The following KDR variants were observed in gnomAD, a reference collection of about 807,000 sequenced individuals.
KDR encodes kinase insert domain receptor.
KDR carries 43 observed loss-of-function variants against 160.9 expected under a neutral mutation model. That is an observed-to-expected ratio of 0.27 (90% CI 0.21 to 0.34). The LOEUF (loss-of-function observed/expected upper bound fraction) is 0.34. Ranked by LOEUF, KDR falls within the 10% of genes least tolerant of loss-of-function variation. KDR has a pLI of 1.00. For missense variants in KDR, 1,469 were observed against 1,666.4 expected (o/e 0.88, Z 2.06); for synonymous variants, 617 against 600.1 (o/e 1.03, Z -0.41).
intron 1 of KDR, 57 bp downstream of exon 1, chr4:55,125,170 G>C: frequency 6.7e-7 from 1 of 1,500,896 alleles, no homozygotes; most frequent in Non-Finnish European, 9.2e-7. Context: ...TGGCTTTCAG[G>C]TCCTCTCCGC....
At chr4:55,121,045 TA>T in intron 2 of KDR, 51 bp downstream of exon 2, 2 of 1,248,228 alleles carry the variant, frequency 1.6e-6, no homozygotes, top group East Asian at 4.6e-5. Flanking sequence ...TTCCACTCAA[TA>T]AACAATCAGT....
intron 18 of KDR, 47 bp downstream of exon 18, chr4:55,097,615 G>C (rs368235717): frequency 7.5e-6 from 9 of 1,200,838 alleles, no homozygotes; most frequent in African/African-American, 1.5e-5. Flanking sequence ...CATATTTAAA[G>C]ACTAGATAAA....
rs2110027955 is a variant in KDR at position 55,110,687 on chromosome 4, T to A, written c.1058A>T (p.Lys353Met). Reference protein sequence around the residue: ...TVGERVRIPAKYLGYPPPEIK... With the variant: ...TVGERVRIPAMYLGYPPPEIK... ...TTCTGGGGGTGGGTAACCAAGGTAC[T>A]TCGCAGGGATTCTGACACGCTCCCC... Residue 353 changes from lysine to methionine, a missense_variant, in exon 8 of 30, where the codon AAG becomes ATG. Around this residue, in one of 7 missense-constraint regions of KDR, gnomAD observed 792 missense variants for 840.9 expected, o/e 0.94. Transcript: ENST00000263923. 6.2e-7 allele frequency: 1 copy of A among 1,613,964 alleles called. No homozygotes were observed. Among genetic ancestry groups the A allele is most frequent in the Non-Finnish European group, 8.5e-7 (1 of 1,179,972 alleles).
intron 7 of KDR, among the ~76,000 whole-genome samples, chr4:55,112,858 G>A (rs1720629537): frequency 6.6e-6 from 1 of 152,070 alleles, no homozygotes; most frequent in African/African-American, 2.4e-5. Context: ...TGCAGAGGAG[G>A]GAAAGTTAGG....
At chr4:55,113,203 T>TG (rs1314713718) in intron 7 of KDR, 101 bp downstream of exon 7, 1 of 1,296,980 alleles carries the variant, frequency 7.7e-7, no homozygotes, top group Non-Finnish European at 1.1e-6. Flanking sequence ...AACTAGAAAC[T>TG]ATCTTCTGAA....
intron 13 of KDR, among the ~76,000 whole-genome samples, chr4:55,104,164 A>G (rs1030193160): frequency 2.6e-5 from 4 of 152,158 alleles, no homozygotes; most frequent in Non-Finnish European, 4.4e-5. Context: ...ATATGCTGCT[A>G]TGCTCTATGA....
At chr4:55,088,467 A>T (rs1213316372) in intron 26 of KDR, among the ~76,000 whole-genome samples, 2 of 152,220 alleles carry the variant, frequency 1.3e-5, no homozygotes, top group Non-Finnish European at 2.9e-5. Context: ...AGAACCTGGG[A>T]TGATACCAAG....
chr4:55,094,987 T>C, intron 20 of KDR, 32 bp from the exon 21 acceptor site: 1 of 1,608,106 alleles, frequency 6.2e-7, no homozygotes, highest in Non-Finnish European at 8.5e-7. Flanking sequence ...AACAAACTCC[T>C]TGAATACAAA....
At chr4:55,082,092 C>A (rs2110005426) in intron 28 of KDR, 51 bp from the exon 29 acceptor site, 1 of 1,230,852 alleles carries the variant, frequency 8.1e-7, no homozygotes, top group Non-Finnish European at 1.2e-6. Flanking sequence ...ATAAAATGAC[C>A]AACTATTTAA....
intron 22 of KDR, 114 bp downstream of exon 22, chr4:55,092,503 T>G: frequency 3.8e-6 from 3 of 784,510 alleles, no homozygotes; most frequent in South Asian, 2.9e-5. Context: ...CTAAAAGACG[T>G]AGAAGTGGTG....
rs2110002972 is a variant in KDR at position 55,079,216 on chromosome 4, G to C, written c.*725C>G. On this transcript the variant is annotated 3_prime_UTR_variant, in exon 30 of 30. Transcript: ENST00000263923. ...TGCATCATTTCCTTCCTGGGGCTTG[G>C]CCAGGAGACACGTAACGGTCTGGAA... The C allele has an allele frequency of 4.3e-6, 1 of 233,450 alleles. No homozygotes were observed. The highest frequency in any genetic ancestry group is 1.8e-4 in the South Asian group (1 of 5,518). 14.5% of individuals were successfully genotyped at this position (233,450 alleles called of 1,614,324 possible).
chr4:55,121,566 G>A (rs1363747538), intron 1 of KDR, among the ~76,000 whole-genome samples: 1 of 152,220 alleles, frequency 6.6e-6, no homozygotes, highest in African/African-American at 2.4e-5. Context: ...AACATAGGAT[G>A]TACACATTTG....
Position 55,082,601 on chromosome 4 carries a change from G to T in KDR, c.3697C>A (p.Pro1233Thr), listed in dbSNP as rs1471556503. The change falls in exon 28 of 30, where the codon CCT becomes ACT. Residue 1233 changes from proline (P) to threonine (T), a missense_variant. Physicochemically the swap from Pro to Thr is conservative, Grantham distance 38 (BLOSUM62 -1). This residue lies in a region of KDR where 229 missense variants were observed against 197.8 expected (regional missense o/e 1.16). Transcript: ENST00000263923. Reference sequence around the variant, plus strand: ...TCTTCAAATGTTTTTACACTCACAGGCCGGCTCTTTCGCTTACTGTTCTGC... The same window carrying T: ...TCTTCAAATGTTTTTACACTCACAGTCCGGCTCTTTCGCTTACTGTTCTGC... The part of the protein sequence containing the change: ...YLQNSKRKSR[P>T]VSVKTFEDIP... 1 of 1,613,876 alleles carries T rather than the reference G, an allele frequency of 6.2e-7. No individual in the cohort carries two copies. The highest frequency in any genetic ancestry group is 1.1e-5 in the South Asian group (1 of 91,068).
chr4:55,116,844 A>G (rs1038462356), intron 3 of KDR, among the ~76,000 whole-genome samples: 1 of 152,234 alleles, frequency 6.6e-6, no homozygotes, highest in East Asian at 1.9e-4. Flanking sequence ...GGTGGCGACC[A>G]GAGGGGACAT....
intron 21 of KDR, among the ~76,000 whole-genome samples, chr4:55,094,340 G>C (rs985694954): frequency 2.6e-5 from 4 of 152,294 alleles, no homozygotes; most frequent in Admixed American, 6.5e-5. Flanking sequence ...AAGCCGCTTG[G>C]GGTAGGGTAG....
Position 55,125,239 on chromosome 4 carries a change from C to T in KDR, c.55G>A (p.Ala19Thr), listed in dbSNP as rs1560526859. The T allele has an allele frequency of 1.2e-6, 2 of 1,612,788 alleles. No individual in the cohort carries two copies. The highest frequency in any genetic ancestry group is 1.7e-6 in the Non-Finnish European group (2 of 1,179,680). ...VALWLCVETR[A>T]ASVGLPSVSL... ...GTGGGCTCCTTACCCACAGAGGCGG[C>T]CCGGGTCTCCACGCAGAGCCACAGG... Residue 19 changes from alanine (A) to threonine (T), a missense_variant, in exon 1 of 30, where the codon GCC becomes ACC. Transcript: ENST00000263923.
rs1721009220 is a variant in KDR, at chr4:55,125,454, C to CA, written c.-162dup. The CA allele has an allele frequency of 9.8e-6, 8 of 816,466 alleles. No homozygotes were observed. The Admixed American group carries it at 1.9e-4, about 19-fold the overall frequency. The allele number at this position is 816,466 out of a possible 1,614,324, so 50.6% of individuals were successfully genotyped here. On this transcript the variant is annotated 5_prime_UTR_variant, in exon 1 of 30. It introduces an in-frame stop codon into an upstream open reading frame of the 5' UTR. Transcript: ENST00000263923. ...GGAGCCCGGGCGCCGACCGCGGCTG[C>CA]AGGGGCGTCTGCGGGTGCCGGTAGG...
At chr4:55,111,540 C>G (rs1400376714) in intron 7 of KDR, among the ~76,000 whole-genome samples, 1 of 152,198 alleles carries the variant, frequency 6.6e-6, no homozygotes, top group East Asian at 1.9e-4. Context: ...CTACCCTTGT[C>G]TAAGCCACCC....
intron 7 of KDR, 51 bp from the exon 8 acceptor site, chr4:55,110,819 T>C (rs2110028327): frequency 6.9e-7 from 1 of 1,439,960 alleles, no homozygotes; most frequent in Admixed American, 1.8e-5. Flanking sequence ...AATGGTCATT[T>C]GATTTAGTTT....
Sources: allele counts gnomAD v4.1 joint callset (sites outside exome capture counted in the v4.1 genomes callset), GRCh38; gene constraint gnomAD v4.1.1; regional missense constraint gnomAD v4.1.1; transcripts MANE v1.5; gene names NCBI Gene and HGNC (gene_info 2026-07-23, HGNC 2026-07-21).